TAS2R1: variants seen among roughly 807,000 people sequenced by gnomAD.
The protein encoded by TAS2R1 is taste receptor type 2 member 1.
For missense variants in TAS2R1, 370 were observed against 353.4 expected (o/e 1.05, Z -0.38); for synonymous variants, 141 against 134.2 (o/e 1.05, Z -0.35).
the TAS2R1 span, among the ~76,000 whole-genome samples, chr5:9,722,157 C>A: frequency 1.3e-5 from 2 of 152,160 alleles, no homozygotes; most frequent in African/African-American, 4.8e-5. Flanking sequence ...CTGGTAAGGA[C>A]CTGAGGCCCT....
At chr5:9,892,892 A>C in the TAS2R1 span, among the ~76,000 whole-genome samples, 2 of 152,208 alleles carry the variant, frequency 1.3e-5, no homozygotes, top group Non-Finnish European at 2.9e-5. Flanking sequence ...TCACAGACCA[A>C]GTATCCCTGC....
At chr5:9,635,157 G>C (rs976531536), upstream of TAS2R1, among the ~76,000 whole-genome samples, 1 of 151,986 alleles carries the variant, frequency 6.6e-6, no homozygotes, top group African/African-American at 2.4e-5. Context: ...AATCATAAAG[G>C]GATGCTGGAT....
At chr5:9,631,219 TATA>T (rs1739867175), upstream of TAS2R1, among the ~76,000 whole-genome samples, 1 of 152,004 alleles carries the variant, frequency 6.6e-6, no homozygotes. Context: ...GAGCCACATA[TATA>T]ATGTGATATA....
chr5:9,685,807 T>C (rs1343989939), intron 1 of TAS2R1, among the ~76,000 whole-genome samples: 3 of 152,340 alleles, frequency 2.0e-5, no homozygotes, highest in Admixed American at 2.0e-4. Context: ...TTAAATATTG[T>C]TAAATTATGC....
At chr5:9,702,771 G>A (rs866751204) in intron 1 of TAS2R1, among the ~76,000 whole-genome samples, 1 of 152,102 alleles carries the variant, frequency 6.6e-6, no homozygotes, top group Non-Finnish European at 1.5e-5. Context: ...GAATGCTGAC[G>A]AGAGGCAGGT....
upstream of TAS2R1, among the ~76,000 whole-genome samples, chr5:9,716,895 C>A (rs925520673): frequency 6.6e-6 from 1 of 152,088 alleles, no homozygotes; most frequent in Admixed American, 6.5e-5. Flanking sequence ...ACCAGCCATA[C>A]GATCGATACG....
intron 2 of TAS2R1, among the ~76,000 whole-genome samples, chr5:9,647,987 T>A (rs994521586): frequency 2.6e-5 from 4 of 152,156 alleles, no homozygotes; most frequent in Non-Finnish European, 1.5e-5. Context: ...AAAGCTTACT[T>A]CCTCCTAAGA....
At chr5:9,847,390 T>C in the TAS2R1 span, among the ~76,000 whole-genome samples, 1 of 152,212 alleles carries the variant, frequency 6.6e-6, no homozygotes, top group Non-Finnish European at 1.5e-5. Context: ...AACTTCTAGA[T>C]CCCTGAAACA....
the TAS2R1 span, among the ~76,000 whole-genome samples, chr5:9,747,208 A>G: frequency 0.061 from 9,253 of 152,248 alleles, 799 homozygotes; most frequent in African/African-American, 0.19. Context: ...TATGGATATC[A>G]TTAGGAACCT....
chr5:9,707,650 T>G (rs1399211885), intron 1 of TAS2R1, among the ~76,000 whole-genome samples: 1 of 151,796 alleles, frequency 6.6e-6, no homozygotes, highest in Non-Finnish European at 1.5e-5. Flanking sequence ...ACCACTGCAC[T>G]CTAGCCTGGG....
chr5:9,805,299 C>T, the TAS2R1 span, among the ~76,000 whole-genome samples: 2 of 151,868 alleles, frequency 1.3e-5, no homozygotes, highest in African/African-American at 2.4e-5. Flanking sequence ...GATTCACAGC[C>T]GAATTCTATC....
At chr5:9,860,816 G>A in the TAS2R1 span, among the ~76,000 whole-genome samples, 3 of 152,212 alleles carry the variant, frequency 2.0e-5, no homozygotes, top group Non-Finnish European at 2.9e-5. Flanking sequence ...GATGGCTGCA[G>A]CCTGCAGAAA....
the TAS2R1 span, among the ~76,000 whole-genome samples, chr5:9,869,659 A>G: frequency 6.6e-6 from 1 of 152,248 alleles, no homozygotes; most frequent in Non-Finnish European, 1.5e-5. Flanking sequence ...ATGTATTATC[A>G]TAATTCATTG....
intron 1 of TAS2R1, among the ~76,000 whole-genome samples, chr5:9,693,171 T>G (rs967998192): frequency 6.6e-6 from 1 of 152,130 alleles, no homozygotes; most frequent in Non-Finnish European, 1.5e-5. Flanking sequence ...GGTATTAATA[T>G]AAATTCTGAT....
chr5:9,885,750 G>T, the TAS2R1 span, among the ~76,000 whole-genome samples: 1 of 152,194 alleles, frequency 6.6e-6, no homozygotes, highest in South Asian at 2.1e-4. Context: ...AAAGTTGGGT[G>T]TGGGGAGAAT....
chr5:9,802,082 A>G, the TAS2R1 span, among the ~76,000 whole-genome samples: 1 of 152,178 alleles, frequency 6.6e-6, no homozygotes, highest in Admixed American at 6.5e-5. Flanking sequence ...TAGCTGATGC[A>G]CTATTGAAAG....
At chr5:9,818,927 TCA>T in the TAS2R1 span, among the ~76,000 whole-genome samples, 1 of 152,174 alleles carries the variant, frequency 6.6e-6, no homozygotes, top group African/African-American at 2.4e-5. Context: ...GGCTCTCAGC[TCA>T]CACAGTTAAT....
chr5:9,679,027 A>C (rs428378), intron 1 of TAS2R1, among the ~76,000 whole-genome samples: 82,749 of 152,082 alleles, frequency 0.54, 23,554 homozygotes, highest in Non-Finnish European at 0.64. Flanking sequence ...TTATTCAGCA[A>C]TAAAAATAAA....
chr5:9,840,253 G>A, the TAS2R1 span, among the ~76,000 whole-genome samples: 1 of 152,140 alleles, frequency 6.6e-6, no homozygotes, highest in Non-Finnish European at 1.5e-5. Context: ...GTAGCTCTGA[G>A]CCTCAAAAAA....
Sources: gnomAD v4.1 joint callset for allele counts (sites outside exome capture counted in the v4.1 genomes callset) on GRCh38, gnomAD v4.1.1 for gene constraint, MANE v1.5 for transcripts, NCBI Gene and HGNC (gene_info 2026-07-23, HGNC 2026-07-21) for gene names.